The following NOSTRIN variants were observed in gnomAD, a reference collection of about 807,000 sequenced individuals.
The protein encoded by NOSTRIN is nitric oxide synthase trafficking, also known as BM247 homolog.
Under a neutral mutation model 59.0 loss-of-function variants are expected in NOSTRIN, and 63 were observed. The observed-to-expected ratio is 1.07, with a 90% CI of 0.87 to 1.32. The LOEUF (loss-of-function observed/expected upper bound fraction) is 1.32. NOSTRIN is among the 40% of genes most tolerant of loss of function. The probability of loss-of-function intolerance (pLI) is 0.00; values close to 1 mark genes in which losing one functional copy is unlikely to be tolerated. For synonymous variants in NOSTRIN, 200 were observed against 165.4 expected (o/e 1.21, Z -1.61); for missense variants, 512 against 473.1 (o/e 1.08, Z -0.76).
chr2:168,857,740 A>G (rs1205174715), intron 12 of NOSTRIN, among the ~76,000 whole-genome samples: 2 of 152,224 alleles, frequency 1.3e-5, no homozygotes, highest in African/African-American at 2.4e-5. Context: ...TTTTTTAGCA[A>G]TGTTTTGAAG....
At chr2:168,804,592 A>C (rs1471941468) in intron 1 of NOSTRIN, among the ~76,000 whole-genome samples, 1 of 152,214 alleles carries the variant, frequency 6.6e-6, no homozygotes, top group Non-Finnish European at 1.5e-5. Context: ...ACATTTAGGT[A>C]GTTTTATAAA....
At chr2:168,791,781 T>G (rs1340082287) in intron 2 of NOSTRIN, among the ~76,000 whole-genome samples, 3 of 152,252 alleles carry the variant, frequency 2.0e-5, no homozygotes, top group Admixed American at 6.5e-5. Flanking sequence ...TGCATAAATG[T>G]CTTCTTTTGA....
At chr2:168,827,206 C>T (rs1687106509) in intron 3 of NOSTRIN, among the ~76,000 whole-genome samples, 1 of 152,188 alleles carries the variant, frequency 6.6e-6, no homozygotes, top group Admixed American at 6.5e-5. Context: ...ATTGGACTTA[C>T]TATCCTGACT....
At chr2:168,852,573 A>G (rs1379243934) in intron 10 of NOSTRIN, among the ~76,000 whole-genome samples, 2 of 152,158 alleles carry the variant, frequency 1.3e-5, no homozygotes, top group African/African-American at 2.4e-5. Context: ...CAAGCTCCAG[A>G]TTAGGGGTGT....
chr2:168,851,502 C>G, intron 10 of NOSTRIN, 98 bp downstream of exon 10: 1 of 1,483,732 alleles, frequency 6.7e-7, no homozygotes, highest in South Asian at 1.4e-5. Flanking sequence ...CATGTTTTAT[C>G]AATGAAAATG....
rs552914915 is a variant in NOSTRIN at position 168,835,684 on chromosome 2, GA to G, written c.504+1363del. ...GCCACATGTCCCAGATGCTGGAAGG[GA>G]AAACACAGTGAGGGCCTAGGGCAGC... On this transcript the variant is annotated intron_variant, in intron 7 of 15. Transcript: ENST00000317647. 8.5e-4 allele frequency among the ~76,000 whole-genome samples: 129 copies of G among 152,256 alleles called. 1 individual carries two copies. Among genetic ancestry groups the G allele is most frequent in the African/African-American group, 2.7e-3 (114 of 41,532 alleles).
At chr2:168,856,626 G>A (rs746926239) in intron 11 of NOSTRIN, 64 bp from the exon 12 acceptor site, 21 of 1,444,056 alleles carry the variant, frequency 1.5e-5, no homozygotes, top group East Asian at 1.1e-4. Flanking sequence ...GAGAGCGACC[G>A]ACTCCTGGCT....
At position 168,859,605 on chromosome 2, in the gene NOSTRIN, T is replaced by G. The variant is rs768004839; in HGVS notation, c.1147T>G (p.Cys383Gly). Residue 383 changes from cysteine (C) to glycine (G), a missense_variant, in exon 13 of 16, where the codon TGT becomes GGT. By Grantham distance (159) the Cys-to-Gly change is radical. Transcript: ENST00000317647. ...LEQRPQPSHP[C>G]SNSIFRWREK... ...GCAAAGACCTCAACCCAGCCATCCT[T>G]GTAGTAATTCCATCTTCAGGTGGAG... 4.6e-5 allele frequency: 74 copies of G among 1,613,978 alleles called. 2 individuals carry two copies. The South Asian group carries it at 8.0e-4, about 17-fold the overall frequency.
upstream of NOSTRIN, among the ~76,000 whole-genome samples, chr2:168,797,338 C>G (rs1685511572): frequency 6.6e-6 from 1 of 151,986 alleles, no homozygotes; most frequent in Non-Finnish European, 1.5e-5. Flanking sequence ...CTCAAGCAAC[C>G]CTTCTGCTAC....
intron 2 of NOSTRIN, among the ~76,000 whole-genome samples, chr2:168,823,640 C>T (rs936006008): frequency 6.6e-6 from 1 of 152,200 alleles, no homozygotes; most frequent in Non-Finnish European, 1.5e-5. Context: ...CCCTGATGAC[C>T]TCATCTTAAC....
At chr2:168,807,669 G>C (rs1222083205) in intron 1 of NOSTRIN, among the ~76,000 whole-genome samples, 1 of 152,150 alleles carries the variant, frequency 6.6e-6, no homozygotes, top group Non-Finnish European at 1.5e-5. Context: ...GTGGGTTACA[G>C]GTGTACCTTA....
At chr2:168,829,253 C>G (rs1687229090) in intron 5 of NOSTRIN, among the ~76,000 whole-genome samples, 1 of 151,946 alleles carries the variant, frequency 6.6e-6, no homozygotes, top group African/African-American at 2.4e-5. Flanking sequence ...AACAGTTTTT[C>G]TTTCTTTCCT....
At chr2:168,821,643 A>AGGAT (rs1686747910) in intron 2 of NOSTRIN, among the ~76,000 whole-genome samples, 1 of 152,236 alleles carries the variant, frequency 6.6e-6, no homozygotes, top group African/African-American at 2.4e-5. Flanking sequence ...GAGAGTGGCG[A>AGGAT]GGATCCTTTT....
chr2:168,842,425 G>A (rs1178056552), intron 7 of NOSTRIN, among the ~76,000 whole-genome samples: 1 of 152,178 alleles, frequency 6.6e-6, no homozygotes, highest in Non-Finnish European at 1.5e-5. Flanking sequence ...TAAGTAACTT[G>A]TTTGCAGCTA....
intron 2 of NOSTRIN, chr2:168,811,908 A>T: frequency 3.3e-6 from 1 of 306,116 alleles, no homozygotes; most frequent in East Asian, 6.4e-5. Flanking sequence ...GACTGGGTTT[A>T]TTACCCTCTC....
chr2:168,824,228 C>G (rs1181365776), intron 2 of NOSTRIN, among the ~76,000 whole-genome samples: 1 of 152,272 alleles, frequency 6.6e-6, no homozygotes, highest in South Asian at 2.1e-4. Context: ...CCTGATCTCT[C>G]CTTCTTGCAT....
chr2:168,795,764 A>G (rs1685463165), upstream of NOSTRIN, among the ~76,000 whole-genome samples: 1 of 152,210 alleles, frequency 6.6e-6, no homozygotes, highest in Non-Finnish European at 1.5e-5. Flanking sequence ...AATTTTTACA[A>G]CCACAAAGTA....
chr2:168,842,667 G>A (rs1273295295), intron 7 of NOSTRIN, among the ~76,000 whole-genome samples: 1 of 152,140 alleles, frequency 6.6e-6, no homozygotes, highest in African/African-American at 2.4e-5. Context: ...ATCTTGACCT[G>A]TACTGTCAAT....
rs112438419 is a variant in NOSTRIN at position 168,850,996 on chromosome 2, T to C, written c.631-88T>C. The C allele has an allele frequency of 4.1e-3, 3,654 of 892,658 alleles. 18 individuals carry two copies. The highest frequency in any genetic ancestry group is 5.7e-3 in the Non-Finnish European group (3,022 of 528,386). The allele number at this position is 892,658 out of a possible 1,614,324, so 55.3% of individuals were successfully genotyped here. On this transcript the variant is annotated intron_variant, in intron 8 of 15. Transcript: ENST00000317647. ...AGGCTAATCATGAGACTTTGTTCAG[T>C]CTGTCTTCAGGTGTGTCAGTGTTTG...
Sources: allele counts gnomAD v4.1 joint callset (sites outside exome capture counted in the v4.1 genomes callset), GRCh38; gene constraint gnomAD v4.1.1; transcripts MANE v1.5; gene names NCBI Gene and HGNC (gene_info 2026-07-23, HGNC 2026-07-21).